Variants in B4GALNT2 observed in about 807,000 individuals in gnomAD.
B4GALNT2 encodes the protein N-acetylneuraminylgalactosylglucosyl-glucoside beta-1,4-N- acetylgalactosaminyltransferase 2.
Under a neutral mutation model 51.1 loss-of-function variants are expected in B4GALNT2, and 42 were observed. That is an observed-to-expected ratio of 0.82 (90% CI 0.64 to 1.06). B4GALNT2 has a LOEUF of 1.06. B4GALNT2 is among the 50% of genes least tolerant of loss of function. The pLI, the probability that B4GALNT2 is intolerant of heterozygous loss-of-function variation, is 0.00. For missense variants in B4GALNT2, 602 were observed against 633.6 expected (o/e 0.95, Z 0.54); for synonymous variants, 253 against 251.7 (o/e 1.01, Z -0.05).
rs1364219594 is a variant in B4GALNT2 at position 49,171,160 on chromosome 17, C to G, written c.*1432C>G. ...TGGGGGCCTGTTCCCAACACGTTCC[C>G]CTTTTTGTTTTCCAAAGTGATAAAA... is the stretch of plus-strand genomic sequence containing the variant. On this transcript the variant is annotated 3_prime_UTR_variant, in exon 11 of 11. Coordinates refer to ENST00000393354, the MANE Select transcript of B4GALNT2 (RefSeq NM_001159387.2). The G allele has an allele frequency of 8.8e-6, 2 of 228,424 alleles. No individual in the cohort carries two copies. Among genetic ancestry groups the G allele is most frequent in the African/African-American group, 4.8e-5 (2 of 42,000 alleles). 14.1% of individuals were successfully genotyped at this position (228,424 alleles called of 1,614,324 possible).
upstream of B4GALNT2, chr17:49,132,714 C>T (rs1567852181): frequency 1.5e-6 from 2 of 1,356,508 alleles, no homozygotes; most frequent in Non-Finnish European, 9.5e-7. Flanking sequence ...TTGCCCGGGT[C>T]GGTGCCAGGG....
In B4GALNT2 at chr17:49,169,930, G is replaced by T; in HGVS notation, c.*202G>T. On this transcript the variant is annotated 3_prime_UTR_variant, in exon 11 of 11. Coordinates refer to ENST00000393354, the MANE Select transcript of B4GALNT2 (RefSeq NM_001159387.2). Reference sequence around the variant, plus strand: ...ACCAGTCACTGACCAGGGCAATGGAGACTGTATTAATAGCAATGATGATTT... The same window carrying T: ...ACCAGTCACTGACCAGGGCAATGGATACTGTATTAATAGCAATGATGATTT... 1.9e-6 allele frequency: 1 copy of T among 516,770 alleles called. No homozygotes were observed. The highest frequency in any genetic ancestry group is 3.3e-6 in the Non-Finnish European group (1 of 298,732). 32.0% of individuals were successfully genotyped at this position (516,770 alleles called of 1,614,324 possible). A position where few individuals can be genotyped will look rare whatever the true frequency, so the allele number is the denominator to read the frequency against.
chr17:49,132,722 G>C, upstream of B4GALNT2: 1 of 1,377,918 alleles, frequency 7.3e-7, no homozygotes, highest in South Asian at 1.8e-5. Context: ...GTCGGTGCCA[G>C]GGCGGGGCAG....
Position 49,138,484 on chromosome 17 carries a change from T to C in B4GALNT2, c.15-2763T>C, listed in dbSNP as rs1598196735. On this transcript the variant is annotated intron_variant, in intron 1 of 10. Transcript: ENST00000393354. ...ACCTTTGTAGGGTAGTGGTTAAAAG[T>C]GTGGTCTGCTTTTGAATTCTGCATC... 2.0e-5 allele frequency among the ~76,000 whole-genome samples: 3 copies of C among 152,226 alleles called. No individual in the cohort carries two copies. In the South Asian group the frequency reaches 6.2e-4, roughly 31 times the overall value.
intron 1 of B4GALNT2, among the ~76,000 whole-genome samples, chr17:49,139,403 T>A (rs1204838523): frequency 1.3e-5 from 2 of 152,070 alleles, no homozygotes; most frequent in African/African-American, 2.4e-5. Context: ...CATGCCCAGC[T>A]ATTTTTTTTT....
intron 3 of B4GALNT2, among the ~76,000 whole-genome samples, chr17:49,143,025 GATCACTTGAGGT>G (rs1422460239): frequency 6.6e-6 from 1 of 152,166 alleles, no homozygotes; most frequent in Non-Finnish European, 1.5e-5. Flanking sequence ...GAGGTGGGCG[GATCACTTGAGGT>G]CAGGAGTTCG....
intron 1 of B4GALNT2, among the ~76,000 whole-genome samples, chr17:49,136,554 A>T (rs2042592194): frequency 1.5e-5 from 2 of 130,732 alleles, no homozygotes; most frequent in Admixed American, 7.9e-5. Flanking sequence ...TTATTTATTT[A>T]TTTATTTTTG....
intron 3 of B4GALNT2, among the ~76,000 whole-genome samples, chr17:49,142,611 G>A (rs2042655216): frequency 1.3e-5 from 2 of 152,116 alleles, no homozygotes; most frequent in African/African-American, 4.8e-5. Flanking sequence ...AGGATCACTT[G>A]AGCCCAGGAA....
chr17:49,141,683 T>TA (rs2042645760), intron 2 of B4GALNT2, among the ~76,000 whole-genome samples: 1 of 152,192 alleles, frequency 6.6e-6, no homozygotes, highest in Admixed American at 6.5e-5. Flanking sequence ...AGTTTTTTTT[T>TA]ATCAAAACTG....
Position 49,158,976 on chromosome 17 carries a change from C to T in B4GALNT2, c.499-61C>T, listed in dbSNP as rs1029713257. The T allele has an allele frequency of 1.9e-5, 30 of 1,560,434 alleles. No homozygotes were observed. The African/African-American group carries it at 3.9e-4, about 20-fold the overall frequency. ...GCTCCTGGCCTGGGTATGTATGTATCTTTCCAGGGAGATATTTTCCAATCC... is the reference window on the plus strand; with the variant it reads ...GCTCCTGGCCTGGGTATGTATGTATTTTTCCAGGGAGATATTTTCCAATCC... On this transcript the variant is annotated intron_variant, in intron 5 of 10. Transcript: ENST00000393354.
chr17:49,155,763 G>A (rs958279582), intron 4 of B4GALNT2, among the ~76,000 whole-genome samples: 5 of 150,570 alleles, frequency 3.3e-5, no homozygotes, highest in Admixed American at 1.3e-4. Flanking sequence ...TTGCTCTGTC[G>A]CCCAGGCTGG....
At chr17:49,137,373 G>A (rs1327081276) in intron 1 of B4GALNT2, among the ~76,000 whole-genome samples, 1 of 152,212 alleles carries the variant, frequency 6.6e-6, no homozygotes, top group Non-Finnish European at 1.5e-5. Flanking sequence ...TATAGTAGGA[G>A]TGGATTCCTC....
intron 2 of B4GALNT2, 53 bp downstream of exon 2, chr17:49,141,500 C>T (rs1455060066): frequency 1.0e-5 from 16 of 1,558,312 alleles, no homozygotes; most frequent in Admixed American, 6.7e-5. Context: ...CTTCCTTGCT[C>T]CTCCTCAAGT....
intron 3 of B4GALNT2, among the ~76,000 whole-genome samples, chr17:49,150,967 C>T (rs1048541619): frequency 8.6e-5 from 13 of 151,794 alleles, no homozygotes; most frequent in African/African-American, 2.2e-4. Context: ...TTCATATTAC[C>T]GTAAGTATTC....
In B4GALNT2 at chr17:49,173,175, G is replaced by T. The variant is rs981367165; in HGVS notation, c.*3447G>T. Reference sequence around the variant, plus strand: ...CTAATGTGAGTGATGTAAAAAGGATGCATTCTACTCCTGACTGCTGTTTGC... The same window carrying T: ...CTAATGTGAGTGATGTAAAAAGGATTCATTCTACTCCTGACTGCTGTTTGC... On this transcript the variant is annotated 3_prime_UTR_variant, in exon 11 of 11. Transcript: ENST00000393354. The T allele has an allele frequency of 2.6e-5, 4 of 152,222 alleles. No homozygotes were observed. The highest frequency in any genetic ancestry group is 9.6e-5 in the African/African-American group (4 of 41,458). The allele number at this position is 152,222 out of a possible 1,614,324, so 9.4% of individuals were successfully genotyped here. A position where few individuals can be genotyped will look rare whatever the true frequency, so the allele number is the denominator to read the frequency against.
At chr17:49,129,334 G>A (rs968195922), upstream of B4GALNT2, among the ~76,000 whole-genome samples, 7 of 152,170 alleles carry the variant, frequency 4.6e-5, no homozygotes, top group Non-Finnish European at 7.3e-5. Context: ...GCCCCAGCCC[G>A]AGCCTTGCAG....
chr17:49,163,430 A>C (rs531679266), intron 7 of B4GALNT2, among the ~76,000 whole-genome samples: 1 of 127,138 alleles, frequency 7.9e-6, no homozygotes, highest in Non-Finnish European at 1.6e-5. Flanking sequence ...GAACCCTTAG[A>C]TGGGCAAAGC....
intron 1 of B4GALNT2, chr17:49,133,261 G>A (rs767986430): frequency 4.2e-5 from 60 of 1,445,312 alleles, no homozygotes; most frequent in Non-Finnish European, 8.1e-6. Context: ...GCTGTGGACA[G>A]TCGGGGAGCC....
Position 49,141,232 on chromosome 17 carries a change from T to C in B4GALNT2, c.15-15T>C, listed in dbSNP as rs2042640641. 2 of 1,609,108 alleles carry C rather than the reference T, an allele frequency of 1.2e-6. No individual in the cohort carries two copies. The highest frequency in any genetic ancestry group is 8.5e-7 in the Non-Finnish European group (1 of 1,175,398). On this transcript the variant is annotated splice_polypyrimidine_tract_variant and intron_variant, in intron 1 of 10. Transcript: ENST00000393354. ...AAAAGATTTTAACATAATCTGTTCT[T>C]TTGTGTCCCAACAGCTCGAGATTTC...
Sources: gnomAD v4.1 joint callset for allele counts (sites outside exome capture counted in the v4.1 genomes callset) on GRCh38, gnomAD v4.1.1 for gene constraint, MANE v1.5 for transcripts, NCBI Gene and HGNC (gene_info 2026-07-23, HGNC 2026-07-21) for gene names.